The following PKM variants were observed in gnomAD, a reference collection of about 807,000 sequenced individuals.
PKM encodes the protein pyruvate kinase PKM.
Under a neutral mutation model 49.8 loss-of-function variants are expected in PKM, and 18 were observed. The ratio of observed to expected loss-of-function variants is 0.36; its 90% CI spans 0.25 to 0.54. PKM has a LOEUF of 0.54. Ranked by LOEUF, PKM falls within the 20% of genes least tolerant of loss-of-function variation. PKM has a pLI of 0.89. For missense variants in PKM, 508 were observed against 713.8 expected, an observed-to-expected ratio of 0.71 and a Z score of 3.28; for synonymous variants, 239 against 261.8, an observed-to-expected ratio of 0.91 and a Z score of 0.84.
chr15:72,214,271 G>A (rs1267144139), intron 3 of PKM, among the ~76,000 whole-genome samples: 1 of 152,104 alleles, frequency 6.6e-6, no homozygotes, highest in Non-Finnish European at 1.5e-5. Flanking sequence ...AACCATGAGT[G>A]TTTCATGCAA....
Position 72,199,558 on chromosome 15 carries a change from GC to G in PKM, c.*91del. The stretch of plus-strand genomic sequence containing the variant: ...CCCAACCTACCAGTGCCACGTTACA[GC>G]CCAGAGTGAGTTCTACAAGCGTTGC... On this transcript the variant is annotated 3_prime_UTR_variant, in exon 11 of 11. Transcript: ENST00000335181. 2 of 870,416 alleles carry G rather than the reference GC, an allele frequency of 2.3e-6. No individual in the cohort carries two copies. The highest frequency in any genetic ancestry group is 3.9e-6 in the Non-Finnish European group (2 of 516,816). 53.9% of individuals were successfully genotyped at this position (870,416 alleles called of 1,614,324 possible).
At position 72,206,813 on chromosome 15, in the gene PKM, A is replaced by C; in HGVS notation, c.1055T>G (p.Val352Gly). The change falls in exon 8 of 11, where the codon GTC becomes GGC. Residue 352 changes from valine (V) to glycine (G), a missense_variant. Physicochemically the swap from Val to Gly is moderately radical, Grantham distance 109. Transcript: ENST00000335181. ...CATGATGCAGTCGGCTCCATCCAGG[A>C]CTGCATTGGCCACATCACTGCCTTC... ...RAEGSDVANAVLDGADCIMLS... is the reference protein window; with the variant it reads ...RAEGSDVANAGLDGADCIMLS... 1 of 1,614,122 alleles carries C rather than the reference A, an allele frequency of 6.2e-7. No individual in the cohort carries two copies.
chr15:72,204,952 T>C (rs973430134), intron 8 of PKM, among the ~76,000 whole-genome samples: 3 of 152,162 alleles, frequency 2.0e-5, no homozygotes, highest in Non-Finnish European at 2.9e-5. Flanking sequence ...CACCGTCTCC[T>C]GGGACACCTT....
chr15:72,228,990 G>A (rs775002392), intron 1 of PKM, among the ~76,000 whole-genome samples: 2 of 152,124 alleles, frequency 1.3e-5, no homozygotes, highest in Non-Finnish European at 2.9e-5. Flanking sequence ...AATCTCAGAT[G>A]ACCAAAAAGC....
At chr15:72,205,370 T>C (rs1432347899) in intron 8 of PKM, among the ~76,000 whole-genome samples, 1 of 152,160 alleles carries the variant, frequency 6.6e-6, no homozygotes, top group Admixed American at 6.5e-5. Flanking sequence ...CCACCTACCT[T>C]GGCCTCCCAA....
rs8192408 is a variant in PKM at position 72,209,649 on chromosome 15, C to T, written c.565+24G>A. On this transcript the variant is annotated intron_variant, in intron 5 of 10. Coordinates refer to ENST00000335181, the MANE Select transcript of PKM (RefSeq NM_002654.6). The stretch of plus-strand genomic sequence containing the variant: ...AGAGACAAAAGACTGTTTTAGACAA[C>T]TGGACTCCAGCTCCCATACGTACCT... The T allele has an allele frequency of 4.7e-3, 7,603 of 1,605,970 alleles. 314 individuals carry two copies. In the African/African-American group the frequency reaches 0.091, roughly 19 times the overall value.
chr15:72,210,613 C>A, intron 3 of PKM, 135 bp from the exon 4 acceptor site: 1 of 962,058 alleles, frequency 1.0e-6, no homozygotes, highest in South Asian at 1.4e-5. Flanking sequence ...ATCCTCAGCA[C>A]GATCCATGCA....
chr15:72,221,499 C>T (rs142644181), intron 1 of PKM, among the ~76,000 whole-genome samples: 14 of 152,004 alleles, frequency 9.2e-5, no homozygotes, highest in African/African-American at 3.4e-4. Context: ...ATTAAACATA[C>T]CTAAAAGACC....
chr15:72,227,086 A>T (rs761968730), intron 1 of PKM, among the ~76,000 whole-genome samples: 10 of 152,256 alleles, frequency 6.6e-5, no homozygotes, highest in Non-Finnish European at 1.3e-4. Context: ...TTACTCAATT[A>T]TCCAGTCTGC....
Position 72,200,359 on chromosome 15 carries a change from C to G in PKM, c.1489+115G>C, listed in dbSNP as rs115956778. 1.0e-5 allele frequency: 9 copies of G among 902,456 alleles called. No homozygotes were observed. The highest frequency in any genetic ancestry group is 1.4e-5 in the Non-Finnish European group (8 of 557,370). The allele number at this position is 902,456 out of a possible 1,614,324, so 55.9% of individuals were successfully genotyped here. On this transcript the variant is annotated intron_variant, in intron 10 of 10. Coordinates refer to ENST00000335181, the MANE Select transcript of PKM (RefSeq NM_002654.6). The surrounding 1 kb of genome is among the most constrained non-coding windows in gnomAD (Gnocchi z 4.6). ...GGAACAGTCGCTGGGCCTTTTGCCC[C>G]ACTAAGGTCTGTGTGTTCCCCTTTC...
At chr15:72,218,917 T>C (rs1293752417) in intron 2 of PKM, 27 bp downstream of exon 2, 2 of 1,613,696 alleles carry the variant, frequency 1.2e-6, no homozygotes, top group South Asian at 2.2e-5. Context: ...GAAGCCCTTT[T>C]TTGGGGGAAG....
chr15:72,207,321 G>A lies in PKM; in HGVS notation c.837-44C>T, dbSNP rs778567056. ...GGGAGAGAGGTTATATAGAACAGAG[G>A]CCACAAGTATGGCAGTAGACAAGAA... On this transcript the variant is annotated intron_variant, in intron 6 of 10. Transcript: ENST00000335181. The A allele has an allele frequency of 4.4e-6, 7 of 1,576,992 alleles. No homozygotes were observed. In the African/African-American group the frequency reaches 6.7e-5, roughly 15 times the overall value.
intron 1 of PKM, among the ~76,000 whole-genome samples, chr15:72,230,501 G>C (rs949856048): frequency 2.0e-5 from 3 of 152,140 alleles, no homozygotes; most frequent in Non-Finnish European, 4.4e-5. Flanking sequence ...CACGCCAGGC[G>C]AGGAAGGGGA....
At chr15:72,218,363 G>A (rs781177920) in intron 2 of PKM, among the ~76,000 whole-genome samples, 20 of 152,040 alleles carry the variant, frequency 1.3e-4, no homozygotes, top group Non-Finnish European at 2.6e-4. Context: ...CTGACCTCAG[G>A]TGATCCACCT....
chr15:72,213,450 A>T (rs1282015685), intron 3 of PKM, among the ~76,000 whole-genome samples: 2 of 152,190 alleles, frequency 1.3e-5, no homozygotes, highest in African/African-American at 2.4e-5. Flanking sequence ...GGTGAACCAG[A>T]TCTTAATCAC....
Position 72,219,081 on chromosome 15 carries a change from C to T in PKM, c.17G>A (p.Ser6Asn), listed in dbSNP as rs935222912. The part of the protein sequence containing the change: MSKPH[S>N]EAGTAFIQTQ... ...CTGAATGAAGGCAGTCCCGGCTTCA[C>T]TATGGGGCTTCGACATGGCTGCTGA... is the stretch of plus-strand genomic sequence containing the variant. The change falls in exon 2 of 11, where the codon AGT becomes AAT. Residue 6 changes from serine (S) to asparagine (N), a missense_variant. Coordinates refer to ENST00000335181, the MANE Select transcript of PKM (RefSeq NM_002654.6). 1 of 1,613,852 alleles carries T rather than the reference C, an allele frequency of 6.2e-7. No individual in the cohort carries two copies. Among genetic ancestry groups the T allele is most frequent in the Non-Finnish European group, 8.5e-7 (1 of 1,179,840 alleles).
In PKM at chr15:72,207,292, TG is replaced by T. The variant is rs749030430; in HGVS notation, c.837-16del. 1.9e-6 allele frequency: 3 copies of T among 1,613,560 alleles called. No individual in the cohort carries two copies. The highest frequency in any genetic ancestry group is 1.3e-5 in the African/African-American group (1 of 74,962). Reference sequence around the variant, plus strand: ...TTTCATCAAACCTGATGGACAAAGTTGGGGGGAGAGAGGTTATATAGAACAG... The same window carrying T: ...TTTCATCAAACCTGATGGACAAAGTTGGGGGAGAGAGGTTATATAGAACAG... On this transcript the variant is annotated splice_polypyrimidine_tract_variant and intron_variant, in intron 6 of 10. Transcript: ENST00000335181.
rs1039359408 is a variant in PKM at position 72,215,561 on chromosome 15, T to C, written c.246+1848A>G. Among the ~76,000 whole-genome samples the C allele has an allele frequency of 2.0e-5, 3 of 152,116 alleles. 1 individual carries two copies. The highest frequency in any genetic ancestry group is 4.8e-5 in the African/African-American group (2 of 41,418). ...ATAAATCTTAATTATAATCTGGGAATAGGAGTGAAAGTAGAGATAATCTCC... is the reference window on the plus strand; with the variant it reads ...ATAAATCTTAATTATAATCTGGGAACAGGAGTGAAAGTAGAGATAATCTCC... On this transcript the variant is annotated intron_variant, in intron 3 of 10. Transcript: ENST00000335181.
At chr15:72,209,397 A>ATATATG (rs1491488000) in intron 5 of PKM, 6 of 17,438 alleles carry the variant, frequency 3.4e-4, no homozygotes, top group African/African-American at 1.8e-3. Context: ...AGCGAAACAA[A>ATATATG]TATATATATA....
Sources: allele counts gnomAD v4.1 joint callset (sites outside exome capture counted in the v4.1 genomes callset), GRCh38; gene constraint gnomAD v4.1.1; non-coding constraint Gnocchi (gnomAD v3.1); transcripts MANE v1.5; gene names NCBI Gene and HGNC (gene_info 2026-07-23, HGNC 2026-07-21).